Variants in PBX3 observed in about 807,000 individuals in gnomAD.
PBX3 encodes the protein PBX homeobox 3, also known as pre-B-cell leukemia transcription factor 3.
Under a neutral mutation model 48.5 loss-of-function variants are expected in PBX3, and 14 were observed. That is an observed-to-expected ratio of 0.29 (90% CI 0.19 to 0.45). The LOEUF (loss-of-function observed/expected upper bound fraction) is 0.45. Ranked by LOEUF, PBX3 falls within the 20% of genes least tolerant of loss-of-function variation. The probability of loss-of-function intolerance (pLI) is 1.00; values close to 1 mark genes in which losing one functional copy is unlikely to be tolerated. For missense variants in PBX3, 386 were observed against 546.7 expected (o/e 0.71, Z 2.93); for synonymous variants, 210 against 200.3 (o/e 1.05, Z -0.41).
chr9:125,918,604 A>T (rs1393188839), intron 3 of PBX3, among the ~76,000 whole-genome samples: 2 of 152,186 alleles, frequency 1.3e-5, no homozygotes, highest in Non-Finnish European at 2.9e-5. Context: ...AAAAATATAG[A>T]TATATAAAAT....
At chr9:125,811,807 T>C (rs1472116312) in intron 2 of PBX3, among the ~76,000 whole-genome samples, 2 of 152,150 alleles carry the variant, frequency 1.3e-5, no homozygotes, top group Non-Finnish European at 2.9e-5. Context: ...TTTAGACATT[T>C]AGATGAATTT....
rs140547966 is a variant in PBX3, at chr9:125,931,942, A to G, written c.707+2097A>G. Among the ~76,000 whole-genome samples, 28 of 152,332 alleles carry G rather than the reference A, an allele frequency of 1.8e-4. No individual in the cohort carries two copies. In the East Asian group the frequency reaches 2.7e-3, roughly 15 times the overall value. The stretch of plus-strand genomic sequence containing the variant: ...CTTTAGGATTATTTCCTAAGGATCA[A>G]TTCTTAGAAATGGAATTATTAGATC... On this transcript the variant is annotated intron_variant, in intron 4 of 8. Transcript: ENST00000373489.
intron 2 of PBX3, among the ~76,000 whole-genome samples, chr9:125,848,245 A>T (rs1183273815): frequency 6.6e-6 from 1 of 152,018 alleles, no homozygotes; most frequent in Admixed American, 6.6e-5. Flanking sequence ...GGATTAGTAC[A>T]TCTCTCACCT....
At chr9:125,809,809 G>A (rs976739810) in intron 2 of PBX3, among the ~76,000 whole-genome samples, 3 of 152,086 alleles carry the variant, frequency 2.0e-5, no homozygotes, top group Non-Finnish European at 2.9e-5. Flanking sequence ...CACTGGTCAG[G>A]ATGTTTAAAG....
At chr9:125,899,018 G>A (rs1232296402) in intron 2 of PBX3, among the ~76,000 whole-genome samples, 1 of 151,098 alleles carries the variant, frequency 6.6e-6, no homozygotes, top group African/African-American at 2.4e-5. Flanking sequence ...ATCAGGAGGT[G>A]TTTTTCTCCA....
intron 2 of PBX3, among the ~76,000 whole-genome samples, chr9:125,835,371 A>G (rs887521094): frequency 3.3e-5 from 5 of 152,170 alleles, no homozygotes; most frequent in South Asian, 4.1e-4. Context: ...CCTAGAGTCT[A>G]TACTCTTAAC....
chr9:125,875,363 TTGAG>T (rs1465348607), intron 2 of PBX3, among the ~76,000 whole-genome samples: 4 of 152,180 alleles, frequency 2.6e-5, no homozygotes, highest in African/African-American at 4.8e-5. Context: ...ACTATACTGT[TTGAG>T]TGACTGTATT....
In PBX3 at chr9:125,876,184, A is replaced by AT. The variant is rs530521488; in HGVS notation, c.275-39496dup. 2.6e-3 allele frequency among the ~76,000 whole-genome samples: 390 copies of AT among 152,250 alleles called. 1 individual carries two copies. Among genetic ancestry groups the AT allele is most frequent in the African/African-American group, 9.0e-3 (374 of 41,550 alleles). ...CTTCCTCCTCTAAATCATAAAACTT[A>AT]TTTTTTGTATCACTCATTTGGCTTT... On this transcript the variant is annotated intron_variant, in intron 2 of 8. Coordinates refer to ENST00000373489, the MANE Select transcript of PBX3 (RefSeq NM_006195.6).
chr9:125,758,043 T>A (rs1836567913), intron 2 of PBX3, among the ~76,000 whole-genome samples: 1 of 152,230 alleles, frequency 6.6e-6, no homozygotes, highest in African/African-American at 2.4e-5. Flanking sequence ...ACAGCAGTGA[T>A]GTGATACTGA....
chr9:125,868,156 T>G (rs1423812556), intron 2 of PBX3, among the ~76,000 whole-genome samples: 2 of 151,846 alleles, frequency 1.3e-5, no homozygotes, highest in African/African-American at 4.8e-5. Flanking sequence ...ATTACAGGTC[T>G]GAGCCACTAC....
intron 3 of PBX3, among the ~76,000 whole-genome samples, chr9:125,919,359 ATTTTTTT>A (rs34891465): frequency 3.9e-5 from 4 of 102,752 alleles, no homozygotes; most frequent in African/African-American, 7.6e-5. Context: ...TGCCCGTCTA[ATTTTTTT>A]TTTTTTTTTT....
At chr9:125,955,541 A>G (rs1244476692) in intron 5 of PBX3, among the ~76,000 whole-genome samples, 1 of 152,242 alleles carries the variant, frequency 6.6e-6, no homozygotes, top group Non-Finnish European at 1.5e-5. Flanking sequence ...GGAGTGGTCC[A>G]GGGAGAGGGA....
chr9:125,932,668 G>C (rs1298731665), intron 4 of PBX3, among the ~76,000 whole-genome samples: 1 of 152,220 alleles, frequency 6.6e-6, no homozygotes, highest in East Asian at 1.9e-4. Flanking sequence ...AACAAAGATA[G>C]TAAAACATGT....
At chr9:125,780,703 A>C (rs1225859809) in intron 2 of PBX3, among the ~76,000 whole-genome samples, 49 of 65,996 alleles carry the variant, frequency 7.4e-4, no homozygotes, top group Non-Finnish European at 8.2e-4. Context: ...GACCACCCCC[A>C]CCTCCCTCCC....
intron 1 of PBX3, 104 bp from the exon 2 acceptor site, chr9:125,748,446 A>G: frequency 2.0e-6 from 3 of 1,526,320 alleles, no homozygotes; most frequent in Non-Finnish European, 2.7e-6. Context: ...AGGGCCTTCC[A>G]GAATGGGGGG....
intron 1 of PBX3, 86 bp from the exon 2 acceptor site, chr9:125,748,464 T>G: frequency 6.4e-7 from 1 of 1,550,904 alleles, no homozygotes; most frequent in East Asian, 2.3e-5. Context: ...GGGCTGGAAT[T>G]AAATCTTGGG....
chr9:125,884,320 A>G (rs1420126266), intron 2 of PBX3, among the ~76,000 whole-genome samples: 2 of 152,214 alleles, frequency 1.3e-5, no homozygotes, highest in East Asian at 3.8e-4. Flanking sequence ...GTGATTATCT[A>G]AGTTTATTGG....
At chr9:125,868,049 A>AT (rs1840032099) in intron 2 of PBX3, among the ~76,000 whole-genome samples, 2 of 151,718 alleles carry the variant, frequency 1.3e-5, no homozygotes, top group Admixed American at 1.3e-4. Flanking sequence ...TAATTTTCAT[A>AT]TTTTTTGTAG....
chr9:125,849,367 A>T (rs1443733797), intron 2 of PBX3, among the ~76,000 whole-genome samples: 1 of 143,296 alleles, frequency 7.0e-6, no homozygotes, highest in Non-Finnish European at 1.5e-5. Flanking sequence ...TGGTGGATTT[A>T]AAAAAAAAAA....
Sources: gnomAD v4.1 joint callset for allele counts (sites outside exome capture counted in the v4.1 genomes callset) on GRCh38, gnomAD v4.1.1 for gene constraint, MANE v1.5 for transcripts, NCBI Gene and HGNC (gene_info 2026-07-23, HGNC 2026-07-21) for gene names.